KCND3: variants seen among roughly 807,000 people sequenced by gnomAD.
KCND3 encodes A-type voltage-gated potassium channel KCND3.
Under a neutral mutation model 51.1 loss-of-function variants are expected in KCND3, and 9 were observed. That is an observed-to-expected ratio of 0.18 (90% CI 0.11 to 0.31). The LOEUF (loss-of-function observed/expected upper bound fraction) is 0.31, where lower values mean the gene tolerates loss of function less well. Among genes scored for constraint, KCND3 ranks in the 10% least tolerant of loss-of-function variants. KCND3 has a pLI of 1.00. For missense variants in KCND3, 526 were observed against 903.8 expected (o/e 0.58, Z 5.36); for synonymous variants, 349 against 368.0 (o/e 0.95, Z 0.59).
chr1:111,861,725 G>T (rs1480333853), intron 2 of KCND3, among the ~76,000 whole-genome samples: 1 of 152,140 alleles, frequency 6.6e-6, no homozygotes, highest in Non-Finnish European at 1.5e-5. Context: ...AGGGAAGAGG[G>T]GCCTGCAGGG....
chr1:111,901,133 T>G (rs1670364150), intron 2 of KCND3, among the ~76,000 whole-genome samples: 1 of 152,242 alleles, frequency 6.6e-6, no homozygotes, highest in Non-Finnish European at 1.5e-5. Context: ...CAAAATCTTA[T>G]CATTCAGTCA....
At chr1:111,984,954 G>A (rs375764851) in intron 1 of KCND3, among the ~76,000 whole-genome samples, 6 of 152,004 alleles carry the variant, frequency 3.9e-5, no homozygotes, top group Admixed American at 6.6e-5. Context: ...CTATCACCCC[G>A]CAGCTAGGAT....
At chr1:111,855,873 G>C (rs1668042013) in intron 2 of KCND3, among the ~76,000 whole-genome samples, 1 of 152,178 alleles carries the variant, frequency 6.6e-6, no homozygotes, top group South Asian at 2.1e-4. Context: ...TGAGGGGAGG[G>C]AGTGGGACCA....
At chr1:111,811,795 C>T (rs17028662) in intron 2 of KCND3, among the ~76,000 whole-genome samples, 12,445 of 152,236 alleles carry the variant, frequency 0.082, 890 homozygotes, top group African/African-American at 0.18. Flanking sequence ...CCTGGAGAGA[C>T]GTTACTTACT....
chr1:111,892,224 A>G (rs1669865365), intron 2 of KCND3, among the ~76,000 whole-genome samples: 1 of 152,116 alleles, frequency 6.6e-6, no homozygotes, highest in African/African-American at 2.4e-5. Flanking sequence ...GGGGAAAGGG[A>G]GCATCCAAAG....
At chr1:111,859,898 C>T (rs1042898099) in intron 2 of KCND3, among the ~76,000 whole-genome samples, 8 of 152,254 alleles carry the variant, frequency 5.3e-5, no homozygotes, top group Admixed American at 5.2e-4. Context: ...GACCCTGTCT[C>T]CTGCACCCTA....
intron 2 of KCND3, among the ~76,000 whole-genome samples, chr1:111,875,093 G>C (rs1300841379): frequency 6.6e-6 from 1 of 152,194 alleles, no homozygotes; most frequent in African/African-American, 2.4e-5. Context: ...CAGGGACCTG[G>C]GGCTGGACAC....
chr1:111,796,583 C>A (rs1300261682), intron 2 of KCND3, among the ~76,000 whole-genome samples: 2 of 152,120 alleles, frequency 1.3e-5, no homozygotes, highest in East Asian at 3.9e-4. Context: ...ATGATGAGAA[C>A]ACATGGACAC....
chr1:111,871,360 T>C (rs749706639), intron 2 of KCND3, among the ~76,000 whole-genome samples: 1 of 152,174 alleles, frequency 6.6e-6, no homozygotes, highest in Non-Finnish European at 1.5e-5. Context: ...GAGTGAATCA[T>C]GGATGAGGCA....
chr1:111,776,006 C>T lies in KCND3; in HGVS notation c.*71G>A, dbSNP rs1557929471. ...GGGGAAAGGGGGGAGGGAGTGGTCT[C>T]AGTGACCACCCACCAACATGCCAGT... On this transcript the variant is annotated 3_prime_UTR_variant, in exon 8 of 8. Transcript: ENST00000302127. 20 of 1,529,330 alleles carry T rather than the reference C, an allele frequency of 1.3e-5. No homozygotes were observed. The highest frequency in any genetic ancestry group is 1.5e-5 in the Non-Finnish European group (17 of 1,103,842). 94.7% of individuals were successfully genotyped at this position (1,529,330 alleles called of 1,614,324 possible).
At chr1:111,909,338 AG>A (rs1351753756) in intron 2 of KCND3, 4 of 152,330 alleles carry the variant, frequency 2.6e-5, no homozygotes, top group Non-Finnish European at 4.4e-5. Context: ...AGCGGAATAA[AG>A]ATGAGTGTGT....
chr1:111,826,353 G>A (rs967267012), intron 2 of KCND3, among the ~76,000 whole-genome samples: 1 of 152,086 alleles, frequency 6.6e-6, no homozygotes, highest in East Asian at 1.9e-4. Flanking sequence ...TGAATTTCTT[G>A]TTCTAATTTC....
chr1:111,784,707 A>T (rs969879651), intron 3 of KCND3, among the ~76,000 whole-genome samples: 1 of 151,942 alleles, frequency 6.6e-6, no homozygotes, highest in Non-Finnish European at 1.5e-5. Context: ...TTTCCCTCTT[A>T]TAGGAAGCCC....
intron 2 of KCND3, among the ~76,000 whole-genome samples, chr1:111,793,054 T>C (rs1041406895): frequency 1.3e-5 from 2 of 151,498 alleles, no homozygotes; most frequent in African/African-American, 4.8e-5. Flanking sequence ...TTTGTAGAGG[T>C]GGGTTTCACT....
intron 2 of KCND3, among the ~76,000 whole-genome samples, chr1:111,869,871 T>G (rs1668753291): frequency 1.3e-5 from 2 of 151,448 alleles, no homozygotes; most frequent in Non-Finnish European, 2.9e-5. Context: ...AAGTCCGTAC[T>G]CTGTGTGTGT....
chr1:111,830,536 C>A (rs1666789824), intron 2 of KCND3, among the ~76,000 whole-genome samples: 1 of 152,212 alleles, frequency 6.6e-6, no homozygotes, highest in Non-Finnish European at 1.5e-5. Flanking sequence ...TCAGGGACAA[C>A]CCTACCCTTG....
intron 2 of KCND3, among the ~76,000 whole-genome samples, chr1:111,873,473 C>G (rs1282023628): frequency 1.3e-5 from 2 of 152,140 alleles, no homozygotes; most frequent in African/African-American, 4.8e-5. Context: ...ACACCAGTAG[C>G]CCTACTTGGG....
intron 2 of KCND3, among the ~76,000 whole-genome samples, chr1:111,874,079 A>G (rs1277427284): frequency 1.3e-5 from 2 of 152,344 alleles, no homozygotes; most frequent in East Asian, 3.9e-4. Flanking sequence ...AGCCTGACCC[A>G]GCCATTAATT....
intron 2 of KCND3, among the ~76,000 whole-genome samples, chr1:111,860,493 G>A (rs767184558): frequency 6.6e-6 from 1 of 152,192 alleles, no homozygotes; most frequent in Non-Finnish European, 1.5e-5. Context: ...GTGTTCAGGA[G>A]AGGGAGAGGA....
Sources: allele counts gnomAD v4.1 joint callset (sites outside exome capture counted in the v4.1 genomes callset), GRCh38; gene constraint gnomAD v4.1.1; transcripts MANE v1.5; gene names NCBI Gene and HGNC (gene_info 2026-07-23, HGNC 2026-07-21).